SERPINE2: variants seen among roughly 807,000 people sequenced by gnomAD.
The protein encoded by SERPINE2 is serpin family E member 2.
SERPINE2 carries 14 observed loss-of-function variants against 36.3 expected under a neutral mutation model. The observed-to-expected ratio is 0.39, with a 90% CI of 0.25 to 0.60. SERPINE2 has a LOEUF of 0.60. Among genes scored for constraint, SERPINE2 ranks in the 20% least tolerant of loss-of-function variants. The pLI is 0.57. For missense variants in SERPINE2, 418 were observed against 499.6 expected (o/e 0.84, Z 1.56); for synonymous variants, 192 against 191.8 (o/e 1.00, Z -0.01).
intron 1 of SERPINE2, among the ~76,000 whole-genome samples, chr2:224,017,474 T>C: frequency 6.6e-6 from 1 of 152,184 alleles, no homozygotes; most frequent in Admixed American, 6.5e-5. Context: ...AGCTACAGTT[T>C]TAGGGTGCTT....
chr2:223,999,401 C>G (rs1382010980), intron 2 of SERPINE2, among the ~76,000 whole-genome samples: 2 of 152,138 alleles, frequency 1.3e-5, no homozygotes, highest in Non-Finnish European at 2.9e-5. Flanking sequence ...CTAAAACATC[C>G]TGCCAGAGTC....
At chr2:224,024,981 A>G (rs1692135805) in intron 1 of SERPINE2, among the ~76,000 whole-genome samples, 2 of 152,204 alleles carry the variant, frequency 1.3e-5, no homozygotes, top group African/African-American at 4.8e-5. Context: ...GGAGACAATG[A>G]TCCCCAACAA....
chr2:224,027,323 A>G (rs748539500), intron 1 of SERPINE2, among the ~76,000 whole-genome samples: 6 of 152,122 alleles, frequency 3.9e-5, no homozygotes, highest in Non-Finnish European at 8.8e-5. Context: ...AATGCACAGA[A>G]AGCACTTTCC....
chr2:224,025,941 CTCT>C (rs1391607448), intron 1 of SERPINE2, among the ~76,000 whole-genome samples: 1 of 152,220 alleles, frequency 6.6e-6, no homozygotes, highest in African/African-American at 2.4e-5. Context: ...AACCCATTTC[CTCT>C]TCTTGCCAAC....
chr2:224,019,551 TTC>T (rs1691921853), intron 1 of SERPINE2, among the ~76,000 whole-genome samples: 2 of 88,084 alleles, frequency 2.3e-5, no homozygotes, highest in African/African-American at 1.2e-4. Flanking sequence ...GTTCATCCTG[TTC>T]ACCATGGCAC....
rs1690685908 is a variant in SERPINE2, at chr2:223,991,849, T to C, written c.639A>G (p.Lys213=). 1 of 1,613,322 alleles carries C rather than the reference T, an allele frequency of 6.2e-7. No homozygotes were observed. Among genetic ancestry groups the C allele is most frequent in the Non-Finnish European group, 8.5e-7 (1 of 1,179,862 alleles). The change falls in exon 4 of 9, where the codon AAA becomes AAG. Residue 213 remains lysine (K), a synonymous_variant. Transcript: ENST00000409304. ...KKRTFVAADG[K]SYQVPMLAQL... is the part of the protein sequence containing the mutation. Reference sequence around the variant, plus strand: ...GGGCCAGCATTGGCACTTGATAGGATTTCCCGTCGGCTGCCACGAAAGTGC... The same window carrying C: ...GGGCCAGCATTGGCACTTGATAGGACTTCCCGTCGGCTGCCACGAAAGTGC...
At chr2:223,984,257 C>A (rs570045767) in intron 5 of SERPINE2, among the ~76,000 whole-genome samples, 18 of 152,294 alleles carry the variant, frequency 1.2e-4, no homozygotes, top group Non-Finnish European at 2.6e-4. Context: ...CAAGTCATAA[C>A]AGCTCAAATT....
intron 1 of SERPINE2, among the ~76,000 whole-genome samples, chr2:224,005,054 TTTTA>T (rs1559208994): frequency 1.2e-4 from 3 of 25,846 alleles, no homozygotes; most frequent in African/African-American, 3.5e-4. Flanking sequence ...ATTTTATATA[TTTTA>T]TATATATTAT....
chr2:223,977,729 C>T, intron 7 of SERPINE2, 102 bp from the exon 8 acceptor site: 4 of 767,464 alleles, frequency 5.2e-6, no homozygotes, highest in Non-Finnish European at 9.4e-6. Flanking sequence ...AGGCTGGTGT[C>T]TGAAGACACA....
chr2:224,005,871 C>A (rs975839543), intron 1 of SERPINE2, among the ~76,000 whole-genome samples: 1 of 152,176 alleles, frequency 6.6e-6, no homozygotes, highest in Non-Finnish European at 1.5e-5. Flanking sequence ...GAGGGAAGAT[C>A]ATAAGCCCAT....
chr2:224,008,108 C>T lies in SERPINE2; in HGVS notation c.-22-6186G>A, dbSNP rs146707994. On this transcript the variant is annotated intron_variant, in intron 1 of 8. Transcript: ENST00000409304. ...GCTGACCCCAGCTGTAGGGACTGAT[C>T]AGATTCAAGTCAATTTTCTCTTTTT... 3.3e-3 allele frequency among the ~76,000 whole-genome samples: 501 copies of T among 152,302 alleles called. 3 individuals are homozygous for T. The highest frequency in any genetic ancestry group is 0.011 in the African/African-American group (472 of 41,552).
chr2:224,009,998 T>C (rs760195634), intron 1 of SERPINE2, among the ~76,000 whole-genome samples: 1 of 152,210 alleles, frequency 6.6e-6, no homozygotes, highest in Admixed American at 6.5e-5. Context: ...TGAAATAATG[T>C]CCACCAAGAC....
chr2:224,000,483 A>AT (rs1351040722), intron 2 of SERPINE2, among the ~76,000 whole-genome samples: 1 of 152,074 alleles, frequency 6.6e-6, no homozygotes, highest in African/African-American at 2.4e-5. Flanking sequence ...CTTTAAAACA[A>AT]TTTTTTTAGC....
chr2:224,029,279 C>G (rs1692283542), intron 1 of SERPINE2, among the ~76,000 whole-genome samples: 4 of 152,164 alleles, frequency 2.6e-5, no homozygotes, highest in African/African-American at 9.7e-5. Flanking sequence ...ACAGATTCTC[C>G]CTGGCATCCC....
intron 1 of SERPINE2, chr2:224,010,254 TA>T (rs1202353256): frequency 1.5e-6 from 1 of 670,990 alleles, no homozygotes; most frequent in Non-Finnish European, 1.8e-6. Context: ...AATTTTTTCT[TA>T]AATTTTTGTC....
chr2:224,008,151 A>G (rs1008881564), intron 1 of SERPINE2, among the ~76,000 whole-genome samples: 3 of 152,202 alleles, frequency 2.0e-5, no homozygotes, highest in African/African-American at 7.2e-5. Context: ...TATTTTGTAG[A>G]GGTGCCGTAG....
At chr2:224,037,489 G>A (rs1250047207) in intron 1 of SERPINE2, among the ~76,000 whole-genome samples, 1 of 152,184 alleles carries the variant, frequency 6.6e-6, no homozygotes, top group African/African-American at 2.4e-5. Context: ...GAAGACACTG[G>A]ATTTGAGACA....
intron 1 of SERPINE2, among the ~76,000 whole-genome samples, chr2:224,014,970 A>G (rs566584560): frequency 1.4e-4 from 21 of 152,050 alleles, no homozygotes; most frequent in African/African-American, 5.1e-4. Context: ...AGCATTTGGC[A>G]CTATCTGAAG....
At chr2:224,009,553 G>A (rs1691551438) in intron 1 of SERPINE2, among the ~76,000 whole-genome samples, 2 of 152,058 alleles carry the variant, frequency 1.3e-5, no homozygotes, top group Admixed American at 1.3e-4. Context: ...AAATCAGCTG[G>A]GTGTGGTAGC....
Sources: allele counts gnomAD v4.1 joint callset (sites outside exome capture counted in the v4.1 genomes callset), GRCh38; gene constraint gnomAD v4.1.1; transcripts MANE v1.5; gene names NCBI Gene and HGNC (gene_info 2026-07-23, HGNC 2026-07-21).